Variants in TNS3 observed in about 807,000 individuals in gnomAD.
TNS3 encodes the protein tensin-3.
In TNS3, 45 loss-of-function variants were observed where a neutral mutation model predicts 140.9. The observed-to-expected ratio is 0.32, with a 90% CI of 0.25 to 0.41. The LOEUF is 0.41. Ranked by LOEUF, TNS3 falls within the 10% of genes least tolerant of loss-of-function variation. The pLI, the probability that TNS3 is intolerant of heterozygous loss-of-function variation, is 1.00. For synonymous variants in TNS3, 815 were observed against 788.4 expected, an observed-to-expected ratio of 1.03 and a Z score of -0.56; for missense variants, 1,716 against 1,906.7, an observed-to-expected ratio of 0.90 and a Z score of 1.86.
chr7:47,545,140 C>CTT (rs1799886138), intron 1 of TNS3, among the ~76,000 whole-genome samples: 3 of 82,948 alleles, frequency 3.6e-5, no homozygotes, highest in Admixed American at 2.0e-4. Flanking sequence ...CGTAAGAGGG[C>CTT]ATTTTTTTTT....
intron 4 of TNS3, among the ~76,000 whole-genome samples, chr7:47,443,644 G>A (rs55808246): frequency 0.055 from 8,334 of 152,232 alleles, 598 homozygotes; most frequent in African/African-American, 0.16. Context: ...GAATACGGCC[G>A]GGCACAGTGG....
chr7:47,464,278 T>A (rs1433990449), intron 4 of TNS3, among the ~76,000 whole-genome samples: 3 of 152,222 alleles, frequency 2.0e-5, no homozygotes, highest in African/African-American at 7.2e-5. Flanking sequence ...CTGAGGACTC[T>A]GGCATCAGAA....
At chr7:47,486,998 GAAGT>G (rs1797635153) in intron 3 of TNS3, among the ~76,000 whole-genome samples, 1 of 152,138 alleles carries the variant, frequency 6.6e-6, no homozygotes, top group Non-Finnish European at 1.5e-5. Context: ...ACAGAAACAT[GAAGT>G]AAGGACTGAA....
chr7:47,338,821 T>C (rs1197241497), intron 20 of TNS3, among the ~76,000 whole-genome samples: 2 of 152,206 alleles, frequency 1.3e-5, no homozygotes, highest in African/African-American at 4.8e-5. Flanking sequence ...ATGCGTCTTT[T>C]TGGTAGAATG....
chr7:47,369,925 C>A (rs528778944), intron 16 of TNS3, among the ~76,000 whole-genome samples: 2 of 152,282 alleles, frequency 1.3e-5, no homozygotes, highest in East Asian at 3.9e-4. Context: ...CTTTAGGGCT[C>A]ATGGTTAATT....
At chr7:47,488,757 G>A (rs547707523) in intron 3 of TNS3, among the ~76,000 whole-genome samples, 11 of 152,138 alleles carry the variant, frequency 7.2e-5, no homozygotes, top group Middle Eastern at 3.4e-3. Flanking sequence ...GGTCGACACA[G>A]AACGTTCTGG....
At chr7:47,469,439 T>C (rs528001035) in intron 4 of TNS3, among the ~76,000 whole-genome samples, 1 of 152,346 alleles carries the variant, frequency 6.6e-6, no homozygotes, top group East Asian at 1.9e-4. Context: ...GGAATGCTTG[T>C]ACACTGCTAG....
chr7:47,366,510 C>A (rs1255032004), intron 17 of TNS3, among the ~76,000 whole-genome samples: 1 of 152,238 alleles, frequency 6.6e-6, no homozygotes, highest in Non-Finnish European at 1.5e-5. Flanking sequence ...GAGAAATTCA[C>A]AGAGACGCTG....
chr7:47,426,876 A>T (rs568887162), intron 9 of TNS3, among the ~76,000 whole-genome samples: 1 of 152,168 alleles, frequency 6.6e-6, no homozygotes, highest in Non-Finnish European at 1.5e-5. Context: ...CTGTAATCCC[A>T]GCACTTTGGC....
At chr7:47,290,013 T>A (rs185437034) in intron 27 of TNS3, among the ~76,000 whole-genome samples, 25 of 152,252 alleles carry the variant, frequency 1.6e-4, no homozygotes, top group Non-Finnish European at 2.1e-4. Context: ...GCTAAAGCAA[T>A]CAAGAAAATG....
intron 27 of TNS3, among the ~76,000 whole-genome samples, chr7:47,285,999 T>C (rs897069482): frequency 6.6e-6 from 1 of 152,170 alleles, no homozygotes; most frequent in African/African-American, 2.4e-5. Flanking sequence ...GTGCATCAGA[T>C]AGGAGCTGCG....
chr7:47,363,828 T>C (rs1011191190), intron 17 of TNS3, among the ~76,000 whole-genome samples: 2 of 152,124 alleles, frequency 1.3e-5, no homozygotes, highest in African/African-American at 4.8e-5. Context: ...CAGGGTTAGG[T>C]GATGGTACCA....
intron 20 of TNS3, among the ~76,000 whole-genome samples, chr7:47,317,767 G>C (rs2150817726): frequency 6.6e-6 from 1 of 152,300 alleles, no homozygotes; most frequent in South Asian, 2.1e-4. Flanking sequence ...CCTGCAGACA[G>C]AGCCAACACA....
At chr7:47,344,646 G>T in intron 20 of TNS3, 109 bp downstream of exon 20, 5 of 1,016,436 alleles carry the variant, frequency 4.9e-6, no homozygotes, top group South Asian at 1.5e-5. Context: ...TCTGAGATAC[G>T]ACACAAATGG....
intron 3 of TNS3, among the ~76,000 whole-genome samples, chr7:47,502,318 A>G (rs1798257171): frequency 1.3e-5 from 2 of 152,220 alleles, no homozygotes; most frequent in Admixed American, 6.5e-5. Flanking sequence ...AGTGATCTGA[A>G]GATGAAAGTT....
intron 4 of TNS3, among the ~76,000 whole-genome samples, chr7:47,459,685 G>C (rs1283794001): frequency 3.3e-5 from 5 of 152,166 alleles, no homozygotes; most frequent in Admixed American, 3.3e-4. Flanking sequence ...TAAACTGATT[G>C]ATTAATGAAG....
At chr7:47,429,014 C>T (rs749261322) in intron 8 of TNS3, among the ~76,000 whole-genome samples, 1 of 152,196 alleles carries the variant, frequency 6.6e-6, no homozygotes, top group African/African-American at 2.4e-5. Context: ...GCCACCTTCA[C>T]CCAGGGCCAC....
In TNS3 at chr7:47,461,159, C is replaced by T. The variant is rs540196085; in HGVS notation, c.-75-19104G>A. Among the ~76,000 whole-genome samples the T allele has an allele frequency of 6.6e-5, 10 of 152,254 alleles. No homozygotes were observed. The South Asian group carries it at 2.1e-3, about 32-fold the overall frequency. ...GCAGGTGTAAACATAAGACAGTGAG[C>T]CCCGCATTAAGTGTTGTATGTCAAG... On this transcript the variant is annotated intron_variant, in intron 4 of 30. Coordinates refer to ENST00000311160, the MANE Select transcript of TNS3 (RefSeq NM_022748.12).
chr7:47,280,014 G>T (rs1345077226), intron 30 of TNS3, 150 bp downstream of exon 30: 19 of 907,176 alleles, frequency 2.1e-5, no homozygotes, highest in South Asian at 8.4e-5. Flanking sequence ...TCCATAATGA[G>T]AACACTTTTA....
Sources: allele counts gnomAD v4.1 joint callset (sites outside exome capture counted in the v4.1 genomes callset), GRCh38; gene constraint gnomAD v4.1.1; transcripts MANE v1.5; gene names NCBI Gene and HGNC (gene_info 2026-07-23, HGNC 2026-07-21).